Variants in SLC24A3 observed in about 807,000 individuals in gnomAD.
SLC24A3 encodes sodium/potassium/calcium exchanger 3.
SLC24A3 carries 28 observed loss-of-function variants against 75.8 expected under a neutral mutation model. The observed-to-expected ratio is 0.37, with a 90% CI of 0.27 to 0.51. The LOEUF (loss-of-function observed/expected upper bound fraction) is 0.51, where lower values mean the gene tolerates loss of function less well. SLC24A3 is among the 20% of genes least tolerant of loss of function. SLC24A3 has a pLI of 0.94. For missense variants in SLC24A3, 663 were observed against 847.8 expected, an observed-to-expected ratio of 0.78 and a Z score of 2.71; for synonymous variants, 372 against 334.1, an observed-to-expected ratio of 1.11 and a Z score of -1.24.
chr20:19,665,564 CTGT>C (rs1253007602), intron 7 of SLC24A3, among the ~76,000 whole-genome samples: 1 of 152,194 alleles, frequency 6.6e-6, no homozygotes, highest in Non-Finnish European at 1.5e-5. Flanking sequence ...TCACACTTCC[CTGT>C]CACTCTGATG....
chr20:19,704,509 A>T (rs192704024), intron 15 of SLC24A3, among the ~76,000 whole-genome samples: 19 of 152,330 alleles, frequency 1.2e-4, no homozygotes, highest in Admixed American at 6.5e-4. Flanking sequence ...CTTAGAGTAT[A>T]CATTGAGTGG....
At chr20:19,610,294 C>T (rs1376557665) in intron 6 of SLC24A3, among the ~76,000 whole-genome samples, 1 of 152,106 alleles carries the variant, frequency 6.6e-6, no homozygotes, top group Non-Finnish European at 1.5e-5. Context: ...CTCCTAGGTA[C>T]AATTTTGCTT....
chr20:19,538,112 C>T (rs2030433501), intron 3 of SLC24A3, among the ~76,000 whole-genome samples: 1 of 152,112 alleles, frequency 6.6e-6, no homozygotes. Context: ...ACATGTTAAG[C>T]CACGGTGTGG....
At position 19,390,559 on chromosome 20, in the gene SLC24A3, C is replaced by A. The variant is rs112673167; in HGVS notation, c.271+109472C>A. The stretch of plus-strand genomic sequence containing the variant: ...ACTGGGGCAGGCCTGGAGGCTGGGT[C>A]CACAGAGGTCTACCCAGTGTGATGA... On this transcript the variant is annotated intron_variant, in intron 2 of 16. Transcript: ENST00000328041. 5.3e-3 allele frequency among the ~76,000 whole-genome samples: 806 copies of A among 152,058 alleles called. 3 individuals are homozygous for A. Among genetic ancestry groups the A allele is most frequent in the African/African-American group, 0.019 (775 of 41,464 alleles).
At chr20:19,625,940 A>G (rs2031860465) in intron 6 of SLC24A3, among the ~76,000 whole-genome samples, 1 of 151,854 alleles carries the variant, frequency 6.6e-6, no homozygotes, top group Non-Finnish European at 1.5e-5. Context: ...TTTCTTTTGG[A>G]TTGTTCCTTT....
chr20:19,720,902 C>G, intron 16 of SLC24A3, 89 bp from the exon 17 acceptor site: 3 of 1,508,818 alleles, frequency 2.0e-6, no homozygotes, highest in Non-Finnish European at 2.7e-6. Flanking sequence ...GTCAGCAGCC[C>G]TTCCCCGGGT....
intron 2 of SLC24A3, among the ~76,000 whole-genome samples, chr20:19,508,851 G>A (rs1456609413): frequency 6.6e-6 from 1 of 152,266 alleles, no homozygotes; most frequent in African/African-American, 2.4e-5. Flanking sequence ...AACAGGCCAT[G>A]TGGGCCATGT....
intron 6 of SLC24A3, among the ~76,000 whole-genome samples, chr20:19,627,352 C>T (rs747335878): frequency 3.3e-5 from 5 of 152,166 alleles, no homozygotes; most frequent in Non-Finnish European, 7.3e-5. Context: ...CTTGACTCTC[C>T]TACTATCTCC....
At chr20:19,406,210 G>A (rs908667164) in intron 2 of SLC24A3, among the ~76,000 whole-genome samples, 9 of 145,362 alleles carry the variant, frequency 6.2e-5, no homozygotes, top group East Asian at 3.9e-4. Context: ...GTGTGTGTGC[G>A]TGCGTGTGTG....
At chr20:19,555,178 G>A (rs1320180606) in intron 3 of SLC24A3, among the ~76,000 whole-genome samples, 1 of 152,060 alleles carries the variant, frequency 6.6e-6, no homozygotes, top group African/African-American at 2.4e-5. Flanking sequence ...GCTTAGTGTT[G>A]AGCTAAGAGA....
chr20:19,688,235 C>T (rs1017477319), intron 12 of SLC24A3, among the ~76,000 whole-genome samples: 1 of 152,236 alleles, frequency 6.6e-6, no homozygotes, highest in South Asian at 2.1e-4. Flanking sequence ...CATCCTGTGA[C>T]ACTGACGCTG....
chr20:19,461,033 CT>C (rs1450829643), intron 2 of SLC24A3, among the ~76,000 whole-genome samples: 2 of 152,168 alleles, frequency 1.3e-5, no homozygotes, highest in African/African-American at 4.8e-5. Context: ...TTGGGGGCAT[CT>C]TCCCATAGCA....
At chr20:19,480,974 AG>A (rs1300718564) in intron 2 of SLC24A3, among the ~76,000 whole-genome samples, 1 of 152,248 alleles carries the variant, frequency 6.6e-6, no homozygotes, top group African/African-American at 2.4e-5. Flanking sequence ...GGTTCTTGAC[AG>A]GAACATTATT....
chr20:19,260,375 A>G (rs1982945184), intron 1 of SLC24A3, among the ~76,000 whole-genome samples: 1 of 152,228 alleles, frequency 6.6e-6, no homozygotes, highest in East Asian at 1.9e-4. Context: ...GCAAAAAGAA[A>G]GTACTCAAAA....
At chr20:19,314,045 T>C (rs1258396967) in intron 2 of SLC24A3, among the ~76,000 whole-genome samples, 1 of 152,032 alleles carries the variant, frequency 6.6e-6, no homozygotes, top group Non-Finnish European at 1.5e-5. Flanking sequence ...CACAGACCGG[T>C]CACTGTGGTC....
intron 2 of SLC24A3, among the ~76,000 whole-genome samples, chr20:19,345,568 A>G (rs1384818238): frequency 2.6e-5 from 4 of 152,190 alleles, no homozygotes. Flanking sequence ...CAGAATCTAC[A>G]AAGAACTCCA....
intron 3 of SLC24A3, among the ~76,000 whole-genome samples, chr20:19,545,042 T>C (rs988533717): frequency 6.6e-6 from 1 of 152,192 alleles, no homozygotes; most frequent in African/African-American, 2.4e-5. Context: ...TTTTTAAAGA[T>C]TTAGTAGAAG....
At chr20:19,400,005 A>T (rs1568608374) in intron 2 of SLC24A3, among the ~76,000 whole-genome samples, 1 of 152,168 alleles carries the variant, frequency 6.6e-6, no homozygotes, top group African/African-American at 2.4e-5. Context: ...GCTCAATTAA[A>T]TTTTTTTATA....
chr20:19,671,418 A>G (rs1332156179), intron 8 of SLC24A3, among the ~76,000 whole-genome samples: 1 of 152,208 alleles, frequency 6.6e-6, no homozygotes, highest in Admixed American at 6.5e-5. Flanking sequence ...ACATGCTCCC[A>G]TAGTATCAAG....
Sources: gnomAD v4.1 joint callset for allele counts (sites outside exome capture counted in the v4.1 genomes callset) on GRCh38, gnomAD v4.1.1 for gene constraint, MANE v1.5 for transcripts, NCBI Gene and HGNC (gene_info 2026-07-23, HGNC 2026-07-21) for gene names.